The following NRP2 variants were observed in gnomAD, a reference collection of about 807,000 sequenced individuals.
The protein encoded by NRP2 is neuropilin-2.
A neutral mutation model predicts 110.4 loss-of-function variants in NRP2; 52 were observed. That is an observed-to-expected ratio of 0.47 (90% CI 0.38 to 0.59). NRP2 has a LOEUF of 0.59. NRP2 is among the 20% of genes least tolerant of loss of function. The pLI is 0.00. For missense variants in NRP2, 1,049 were observed against 1,203.0 expected, an observed-to-expected ratio of 0.87 and a Z score of 1.89; for synonymous variants, 508 against 468.9, an observed-to-expected ratio of 1.08 and a Z score of -1.08.
At position 205,763,423 on chromosome 2, in the gene NRP2, G is replaced by A. The variant is rs2057857135; in HGVS notation, c.2045-251G>A. ...CCGGGTGCTCCATGTGAAAGAGATG[G>A]AAAGGAAATGATACCGAGAAATAGG... On this transcript the variant is annotated intron_variant, in intron 12 of 16. Coordinates refer to ENST00000357785, the MANE Select transcript of NRP2 (RefSeq NM_003872.3). The surrounding 1 kb of genome is among the most constrained non-coding windows in gnomAD (Gnocchi z 4.0). Among the ~76,000 whole-genome samples the A allele has an allele frequency of 6.6e-6, 1 of 152,120 alleles. No homozygotes were observed. The highest frequency in any genetic ancestry group is 2.4e-5 in the African/African-American group (1 of 41,410).
intron 1 of NRP2, among the ~76,000 whole-genome samples, chr2:205,687,150 G>C (rs1054091458): frequency 6.6e-6 from 1 of 152,050 alleles, no homozygotes; most frequent in Admixed American, 6.6e-5. Flanking sequence ...GCAGATTCTC[G>C]GTCAATTCAC....
chr2:205,719,473 CAAA>C (rs57461603), intron 3 of NRP2, among the ~76,000 whole-genome samples: 4 of 93,440 alleles, frequency 4.3e-5, no homozygotes, highest in African/African-American at 3.6e-5. Flanking sequence ...AGAACAGAAA[CAAA>C]AAAAAAAAAA....
At chr2:205,692,176 A>C (rs1378250343) in intron 1 of NRP2, among the ~76,000 whole-genome samples, 1 of 152,196 alleles carries the variant, frequency 6.6e-6, no homozygotes, top group Non-Finnish European at 1.5e-5. Context: ...AAAGTTCAGA[A>C]GGATTTCCAT....
chr2:205,734,767 A>T (rs2057313171), intron 7 of NRP2, among the ~76,000 whole-genome samples: 1 of 152,166 alleles, frequency 6.6e-6, no homozygotes, highest in African/African-American at 2.4e-5. Flanking sequence ...TGAAACATTT[A>T]TTAGTGGAGA....
At chr2:205,724,083 AC>A (rs2057077183) in intron 5 of NRP2, 143 bp downstream of exon 5, 1 of 865,038 alleles carries the variant, frequency 1.2e-6, no homozygotes, top group African/African-American at 1.7e-5. Flanking sequence ...AGAGGTGCCC[AC>A]ATCCTCTTGC....
chr2:205,775,100 T>C (rs1343497853), intron 15 of NRP2, among the ~76,000 whole-genome samples: 1 of 152,188 alleles, frequency 6.6e-6, no homozygotes, highest in South Asian at 2.1e-4. Context: ...AGAGGATGCA[T>C]CTTTCCGGCT....
Position 205,795,814 on chromosome 2 carries a change from C to T in NRP2, c.*756C>T, listed in dbSNP as rs865978107. 9 of 152,632 alleles carry T rather than the reference C, an allele frequency of 5.9e-5. No homozygotes were observed. The highest frequency in any genetic ancestry group is 1.4e-4 in the African/African-American group (6 of 41,446). The allele number at this position is 152,632 out of a possible 1,614,324, so 9.5% of individuals were successfully genotyped here. A position where few individuals can be genotyped will look rare whatever the true frequency, so the allele number is the denominator to read the frequency against. ...GTCAAAATCCATAGAAGCGCCTGGA[C>T]GAGGCTTAAAGTGCTTTGTGAGTGA... On this transcript the variant is annotated 3_prime_UTR_variant, in exon 17 of 17. Coordinates refer to ENST00000357785, the MANE Select transcript of NRP2 (RefSeq NM_003872.3).
intron 2 of NRP2, among the ~76,000 whole-genome samples, chr2:205,715,173 G>A (rs1470500247): frequency 6.6e-6 from 1 of 152,202 alleles, no homozygotes; most frequent in East Asian, 1.9e-4. Flanking sequence ...TATTAACTGG[G>A]AGCCCAAAAG....
At chr2:205,759,604 C>T (rs2057788464) in intron 12 of NRP2, 1 of 152,200 alleles carries the variant, frequency 6.6e-6, no homozygotes, top group Non-Finnish European at 1.5e-5. Context: ...TGATGGAAAA[C>T]TTGGGGCCGG....
intron 12 of NRP2, chr2:205,756,779 T>G (rs1028006300): frequency 6.6e-6 from 1 of 152,206 alleles, no homozygotes; most frequent in East Asian, 1.9e-4. Context: ...GTGGGATCCC[T>G]TGATGGAGTG....
At chr2:205,783,301 A>C (rs1048530874) in intron 15 of NRP2, among the ~76,000 whole-genome samples, 1 of 152,074 alleles carries the variant, frequency 6.6e-6, no homozygotes, top group African/African-American at 2.4e-5. Context: ...CACTGGAGTT[A>C]ATTCTGTCCC....
chr2:205,746,267 G>C (rs1239075760), intron 10 of NRP2, among the ~76,000 whole-genome samples: 3 of 152,210 alleles, frequency 2.0e-5, no homozygotes, highest in African/African-American at 7.2e-5. Flanking sequence ...GTTTATGTCT[G>C]AATCTGGCCT....
chr2:205,728,775 C>T (rs2057179900), intron 7 of NRP2, among the ~76,000 whole-genome samples: 1 of 152,222 alleles, frequency 6.6e-6, no homozygotes, highest in African/African-American at 2.4e-5. Context: ...ACACTCAGCC[C>T]ATGGGGGCTT....
rs79050520 is a variant in NRP2, at chr2:205,794,602, G to A, written c.2477-152G>A. ...GCCCAAAGTTACACAGCTAGGATGC[G>A]GCCAGGCTGGGCTTTGAACCCAGGC... On this transcript the variant is annotated intron_variant, in intron 16 of 16. Transcript: ENST00000357785. 3.4e-4 allele frequency: 269 copies of A among 784,734 alleles called. 3 individuals are homozygous for A. In the East Asian group the frequency reaches 5.0e-3, roughly 15 times the overall value. The allele number at this position is 784,734 out of a possible 1,614,324, so 48.6% of individuals were successfully genotyped here.
chr2:205,701,005 A>T, intron 2 of NRP2: 1 of 237,884 alleles, frequency 4.2e-6, no homozygotes, highest in South Asian at 4.6e-5. Flanking sequence ...GGATGCTAGG[A>T]TGTTGCTGCT....
At chr2:205,776,407 G>A (rs1398279952) in intron 15 of NRP2, 2 of 1,613,494 alleles carry the variant, frequency 1.2e-6, no homozygotes, top group Non-Finnish European at 1.7e-6. Context: ...CCGCTATGCG[G>A]CCAAGAAGAC....
chr2:205,705,455 AG>A (rs2056654454), intron 2 of NRP2, among the ~76,000 whole-genome samples: 1 of 152,242 alleles, frequency 6.6e-6, no homozygotes. Flanking sequence ...GGAGGGCAGC[AG>A]AAAAGCATGA....
chr2:205,776,036 CA>C, intron 15 of NRP2: 1 of 714,060 alleles, frequency 1.4e-6, no homozygotes. Context: ...ATGGGTCTGA[CA>C]ATAGCTACCT....
chr2:205,716,379 G>T lies in NRP2; in HGVS notation c.433+5G>T. 1 of 1,613,724 alleles carries T rather than the reference G, an allele frequency of 6.2e-7. No homozygotes were observed. The highest frequency in any genetic ancestry group is 2.2e-5 in the East Asian group (1 of 44,880). Reference sequence around the variant, plus strand: ...GCTACGAGATCTTCAAGACAGGTCAGTGTGGTCACACGTAGGGGCCGGGAG... The same window carrying T: ...GCTACGAGATCTTCAAGACAGGTCATTGTGGTCACACGTAGGGGCCGGGAG... On this transcript the variant is annotated splice_donor_5th_base_variant and intron_variant, in intron 3 of 16. Transcript: ENST00000357785.
Sources: allele counts gnomAD v4.1 joint callset (sites outside exome capture counted in the v4.1 genomes callset), GRCh38; gene constraint gnomAD v4.1.1; non-coding constraint Gnocchi (gnomAD v3.1); transcripts MANE v1.5; gene names NCBI Gene and HGNC (gene_info 2026-07-23, HGNC 2026-07-21).